The following HERC4 variants were observed in gnomAD, a reference collection of about 807,000 sequenced individuals.
The protein encoded by HERC4 is probable E3 ubiquitin-protein ligase HERC4.
A neutral mutation model predicts 124.3 loss-of-function variants in HERC4; 28 were observed. The observed-to-expected ratio is 0.23, with a 90% CI of 0.17 to 0.31. HERC4 has a LOEUF of 0.31. HERC4 is among the 10% of genes least tolerant of loss of function. HERC4 has a pLI of 1.00. For synonymous variants in HERC4, 407 were observed against 421.5 expected (o/e 0.97, Z 0.42); for missense variants, 713 against 1,229.3 (o/e 0.58, Z 6.28).
chr10:68,071,907 T>C (rs1289579226), intron 3 of HERC4, among the ~76,000 whole-genome samples: 1 of 152,196 alleles, frequency 6.6e-6, no homozygotes, highest in African/African-American at 2.4e-5. Context: ...AGATTTGGCA[T>C]GGTCGTGAGA....
chr10:67,996,221 G>A, intron 9 of HERC4: 2 of 400,232 alleles, frequency 5.0e-6, no homozygotes, highest in South Asian at 1.8e-5. Flanking sequence ...GGAGTGAGCT[G>A]TGATCACGCC....
chr10:68,061,022 C>T (rs564125831), intron 3 of HERC4, among the ~76,000 whole-genome samples: 1 of 152,066 alleles, frequency 6.6e-6, no homozygotes. Flanking sequence ...TCTTTAGGAC[C>T]GCTTTTAGCC....
chr10:68,025,075 A>T (rs1324911979), intron 8 of HERC4, among the ~76,000 whole-genome samples: 6 of 152,170 alleles, frequency 3.9e-5, no homozygotes, highest in Non-Finnish European at 5.9e-5. Flanking sequence ...TTAAAAAAAT[A>T]AAATTAGCTG....
At chr10:68,007,467 T>A (rs201656033) in intron 9 of HERC4, among the ~76,000 whole-genome samples, 2 of 152,294 alleles carry the variant, frequency 1.3e-5, no homozygotes, top group East Asian at 3.9e-4. Flanking sequence ...AGTGCCTTAT[T>A]TCATTGGTTT....
In HERC4 at chr10:67,998,314, G is replaced by A. The variant is rs573444028; in HGVS notation, c.1070-5632C>T. ...TGTAATCCCAGCATTTTGGGAGGCC[G>A]AGGCAGGCAGATCACCTGAGGTCAG... On this transcript the variant is annotated intron_variant, in intron 9 of 24. Coordinates refer to ENST00000373700, the MANE Select transcript of HERC4 (RefSeq NM_015601.4). Among the ~76,000 whole-genome samples the A allele has an allele frequency of 4.5e-3, 687 of 151,830 alleles. 4 individuals carry two copies. Among genetic ancestry groups the A allele is most frequent in the Non-Finnish European group, 8.1e-3 (553 of 67,934 alleles).
intron 9 of HERC4, chr10:67,995,302 G>A (rs1284746444): frequency 2.2e-6 from 1 of 454,690 alleles, no homozygotes; most frequent in Non-Finnish European, 4.4e-6. Context: ...ACTGTAGGTT[G>A]AAAAATTAAG....
At chr10:67,941,200 T>C (rs2032853658) in intron 19 of HERC4, 95 bp from the exon 20 acceptor site, 4 of 854,112 alleles carry the variant, frequency 4.7e-6, no homozygotes, top group East Asian at 3.1e-5. Context: ...ATTTTGAAGA[T>C]AGAGAAAAAA....
chr10:68,064,009 G>A lies in HERC4; in HGVS notation c.226+8874C>T, dbSNP rs369383395. On this transcript the variant is annotated intron_variant, in intron 3 of 24. Coordinates refer to ENST00000373700, the MANE Select transcript of HERC4 (RefSeq NM_015601.4). ...TGTAATCTCAGCACTTTGGGAGGGC[G>A]AAGTGGGCAGATCACTTGAGGCCAG... Among the ~76,000 whole-genome samples, 340 of 151,156 alleles carry A rather than the reference G, an allele frequency of 2.2e-3. 2 individuals carry two copies. Among genetic ancestry groups the A allele is most frequent in the South Asian group, 7.8e-3 (37 of 4,756 alleles).
intron 16 of HERC4, among the ~76,000 whole-genome samples, chr10:67,961,762 T>G (rs2034536206): frequency 6.6e-6 from 1 of 152,184 alleles, no homozygotes; most frequent in African/African-American, 2.4e-5. Context: ...AGACTTTGGG[T>G]TCTCTCACTA....
intron 8 of HERC4, among the ~76,000 whole-genome samples, chr10:68,016,778 C>G (rs1046312935): frequency 6.6e-6 from 1 of 152,282 alleles, no homozygotes; most frequent in Non-Finnish European, 1.5e-5. Flanking sequence ...TACCCCCGAT[C>G]CAACAGTTAC....
intron 23 of HERC4, among the ~76,000 whole-genome samples, chr10:67,932,111 C>A (rs1025771671): frequency 6.6e-5 from 10 of 152,062 alleles, no homozygotes; most frequent in Non-Finnish European, 1.3e-4. Context: ...GCACGTGCCA[C>A]CACACCCAGC....
chr10:68,030,212 G>C (rs10997914), intron 7 of HERC4, among the ~76,000 whole-genome samples: 1 of 151,936 alleles, frequency 6.6e-6, no homozygotes, highest in East Asian at 2.0e-4. Flanking sequence ...GGCAGAGGCG[G>C]GCAGATCACT....
intron 8 of HERC4, among the ~76,000 whole-genome samples, chr10:68,014,477 C>A (rs1440163809): frequency 2.6e-5 from 4 of 152,064 alleles, no homozygotes; most frequent in Non-Finnish European, 5.9e-5. Context: ...CGATTCAGCA[C>A]CAGAGTAGCA....
chr10:68,012,188 C>A (rs928035010), intron 9 of HERC4, among the ~76,000 whole-genome samples: 8 of 152,184 alleles, frequency 5.3e-5, no homozygotes, highest in African/African-American at 1.9e-4. Flanking sequence ...ATTCGGACTA[C>A]TAAAATTCTC....
intron 19 of HERC4, among the ~76,000 whole-genome samples, chr10:67,949,436 G>C (rs1241344989): frequency 1.3e-5 from 2 of 152,048 alleles, no homozygotes; most frequent in Non-Finnish European, 2.9e-5. Context: ...CATTCTATGA[G>C]ATCATCACTA....
chr10:67,996,315 A>G (rs72637093), intron 9 of HERC4, among the ~76,000 whole-genome samples: 1 of 1,108 alleles, frequency 9.0e-4, no homozygotes. Flanking sequence ...TGAAATAGAC[A>G]CCCCCCCTGC....
intron 22 of HERC4, among the ~76,000 whole-genome samples, chr10:67,934,475 T>C (rs1473764109): frequency 6.6e-6 from 1 of 152,160 alleles, no homozygotes; most frequent in Non-Finnish European, 1.5e-5. Flanking sequence ...AGAAAGAATC[T>C]TTGCTTGTTT....
intron 23 of HERC4, among the ~76,000 whole-genome samples, chr10:67,929,528 T>A (rs1205817194): frequency 1.3e-5 from 2 of 149,170 alleles, no homozygotes; most frequent in Non-Finnish European, 2.9e-5. Context: ...AATAGTGCTT[T>A]TTTTTCTTTT....
intron 3 of HERC4, among the ~76,000 whole-genome samples, chr10:68,060,288 A>G (rs1156644270): frequency 6.6e-6 from 1 of 152,108 alleles, no homozygotes; most frequent in Admixed American, 6.6e-5. Context: ...AGTGACACAA[A>G]TAACAGTGGC....
Sources: allele counts gnomAD v4.1 joint callset (sites outside exome capture counted in the v4.1 genomes callset), GRCh38; gene constraint gnomAD v4.1.1; transcripts MANE v1.5; gene names NCBI Gene and HGNC (gene_info 2026-07-23, HGNC 2026-07-21).